The following THADA variants were observed in gnomAD, a reference collection of about 807,000 sequenced individuals.
THADA encodes the protein tRNA (32-2'-O)-methyltransferase regulator THADA.
Under a neutral mutation model 219.8 loss-of-function variants are expected in THADA, and 213 were observed. That is an observed-to-expected ratio of 0.97 (90% confidence interval 0.87 to 1.09). The LOEUF (loss-of-function observed/expected upper bound fraction) is 1.09. Ranked by LOEUF, THADA falls within the 50% of genes least tolerant of loss-of-function variation. The pLI is 0.00. For synonymous variants in THADA, 1,018 were observed against 828.9 expected, an observed-to-expected ratio of 1.23 and a Z score of -3.92; for missense variants, 2,956 against 2,311.3, an observed-to-expected ratio of 1.28 and a Z score of -5.72.
chr2:43,293,265 C>G (rs1282487649), intron 31 of THADA, 52 bp from the exon 32 acceptor site: 1 of 1,543,364 alleles, frequency 6.5e-7, no homozygotes, highest in Non-Finnish European at 8.7e-7. Context: ...TAAATTTCCA[C>G]AAAAGGACAT....
At chr2:43,408,867 CACTAACCAT>C (rs1433076292) in intron 28 of THADA, among the ~76,000 whole-genome samples, 2 of 152,128 alleles carry the variant, frequency 1.3e-5, no homozygotes, top group Admixed American at 1.3e-4. Flanking sequence ...TTATGTCTAA[CACTAACCAT>C]ACTCAATCTT....
At chr2:43,277,945 A>G (rs1672909777) in intron 36 of THADA, among the ~76,000 whole-genome samples, 1 of 143,160 alleles carries the variant, frequency 7.0e-6, no homozygotes, top group East Asian at 2.0e-4. Context: ...ACAAGACAAT[A>G]TTGTTCTTTT....
intron 22 of THADA, among the ~76,000 whole-genome samples, chr2:43,510,006 C>T (rs575720523): frequency 6.6e-6 from 1 of 152,186 alleles, no homozygotes; most frequent in Middle Eastern, 3.4e-3. Flanking sequence ...ACATAACAAC[C>T]AAATGTAGTG....
chr2:43,443,573 C>G (rs886675811), intron 26 of THADA, among the ~76,000 whole-genome samples: 1 of 151,978 alleles, frequency 6.6e-6, no homozygotes, highest in African/African-American at 2.4e-5. Flanking sequence ...CAAAAACCAG[C>G]CTGGAAAACA....
intron 26 of THADA, among the ~76,000 whole-genome samples, chr2:43,434,931 A>C (rs1485339628): frequency 1.3e-5 from 2 of 152,186 alleles, no homozygotes; most frequent in African/African-American, 4.8e-5. Flanking sequence ...CTTCAGCCGT[A>C]AACATTCACC....
intron 26 of THADA, among the ~76,000 whole-genome samples, chr2:43,449,857 T>C (rs958133812): frequency 1.3e-5 from 2 of 152,166 alleles, no homozygotes; most frequent in Admixed American, 1.3e-4. Context: ...TAGAAGGCAG[T>C]GGGCTGATAT....
rs1480323878 is a variant in THADA, at chr2:43,238,213, GT to G, written c.5297-5332del. On this transcript the variant is annotated intron_variant, in intron 36 of 37. Transcript: ENST00000405975. ...AGGGAGAGAAGGAAGACTGGGCTTT[GT>G]CAAAATGGAAAACTTTTGTGCTTCA... is the stretch of plus-strand genomic sequence containing the variant. Among the ~76,000 whole-genome samples the G allele has an allele frequency of 4.1e-5, 6 of 146,954 alleles. No homozygotes were observed. In the Admixed American group the frequency reaches 4.1e-4, roughly 10 times the overall value.
intron 30 of THADA, among the ~76,000 whole-genome samples, chr2:43,332,345 A>G (rs756298684): frequency 2.0e-4 from 30 of 152,310 alleles, no homozygotes; most frequent in Admixed American, 8.5e-4. Context: ...ACAAGCTGGC[A>G]TTTATTTCTC....
chr2:43,385,241 T>C lies in THADA; in HGVS notation c.4227+12730A>G, dbSNP rs115672241. 9.9e-3 allele frequency among the ~76,000 whole-genome samples: 1,508 copies of C among 152,234 alleles called. 28 individuals are homozygous for C. Among genetic ancestry groups the C allele is most frequent in the African/African-American group, 0.035 (1,444 of 41,520 alleles). ...CTCACATATTTGAAAAAATCAGTTA[T>C]AAAGCAGGAAACTGAAACTGCATTT... On this transcript the variant is annotated intron_variant, in intron 29 of 37. Coordinates refer to ENST00000405975, the MANE Select transcript of THADA (RefSeq NM_022065.5).
intron 29 of THADA, among the ~76,000 whole-genome samples, chr2:43,351,001 C>A (rs1039952540): frequency 6.6e-6 from 1 of 152,168 alleles, no homozygotes; most frequent in African/African-American, 2.4e-5. Flanking sequence ...AAACACAAAG[C>A]CTGCTGGGGA....
chr2:43,313,633 C>T (rs1337422454), intron 31 of THADA, among the ~76,000 whole-genome samples: 2 of 152,164 alleles, frequency 1.3e-5, no homozygotes, highest in Non-Finnish European at 2.9e-5. Flanking sequence ...GGTAGGCTCT[C>T]GTATTATTCC....
At chr2:43,529,691 C>T (rs1693619301) in intron 21 of THADA, among the ~76,000 whole-genome samples, 1 of 152,118 alleles carries the variant, frequency 6.6e-6, no homozygotes, top group Non-Finnish European at 1.5e-5. Context: ...ATCTCTTGAT[C>T]CAGGTCTCCC....
intron 4 of THADA, among the ~76,000 whole-genome samples, chr2:43,588,568 A>T (rs1701232002): frequency 6.6e-6 from 1 of 152,194 alleles, no homozygotes; most frequent in South Asian, 2.1e-4. Flanking sequence ...AATATGTAAT[A>T]AAAAAAGTCA....
At chr2:43,311,869 G>A (rs1677547054) in intron 31 of THADA, among the ~76,000 whole-genome samples, 1 of 152,188 alleles carries the variant, frequency 6.6e-6, no homozygotes, top group Admixed American at 6.5e-5. Context: ...GTGATGTGCA[G>A]CTGGAGCTGG....
chr2:43,276,149 A>G (rs978598889), intron 36 of THADA, among the ~76,000 whole-genome samples: 1 of 152,204 alleles, frequency 6.6e-6, no homozygotes, highest in Non-Finnish European at 1.5e-5. Flanking sequence ...ACAAATTTCA[A>G]TACCTTACTC....
Position 43,230,917 on chromosome 2 carries a change from C to A in THADA, c.*31G>T, listed in dbSNP as rs1667335360. 1 of 1,570,986 alleles carries A rather than the reference C, an allele frequency of 6.4e-7. No homozygotes were observed. Among genetic ancestry groups the A allele is most frequent in the Non-Finnish European group, 8.7e-7 (1 of 1,155,674 alleles). ...AGATTTAGTGGAGGAAAAATCCACACATACCCCCATCCCAATCCCCCAGAT... is the reference window on the plus strand; with the variant it reads ...AGATTTAGTGGAGGAAAAATCCACAAATACCCCCATCCCAATCCCCCAGAT... On this transcript the variant is annotated 3_prime_UTR_variant, in exon 38 of 38. Transcript: ENST00000405975.
At chr2:43,269,802 C>T (rs918289746) in intron 36 of THADA, among the ~76,000 whole-genome samples, 26 of 152,324 alleles carry the variant, frequency 1.7e-4, no homozygotes, top group Non-Finnish European at 2.8e-4. Context: ...TCTGTTTCCT[C>T]CCCTGCAGCC....
At chr2:43,248,163 A>C (rs1254364638) in intron 36 of THADA, among the ~76,000 whole-genome samples, 6 of 44,016 alleles carry the variant, frequency 1.4e-4, no homozygotes, top group African/African-American at 7.9e-4. Flanking sequence ...ATATATATAT[A>C]TAGAGAGAGA....
intron 29 of THADA, among the ~76,000 whole-genome samples, chr2:43,375,717 T>C (rs1671295413): frequency 6.6e-6 from 1 of 152,210 alleles, no homozygotes; most frequent in Admixed American, 6.5e-5. Flanking sequence ...AATATAACGC[T>C]GGTTATTCTG....
Sources: allele counts gnomAD v4.1 joint callset (sites outside exome capture counted in the v4.1 genomes callset), GRCh38; gene constraint gnomAD v4.1.1; transcripts MANE v1.5; gene names NCBI Gene and HGNC (gene_info 2026-07-23, HGNC 2026-07-21).